Variants in SOS1 observed in about 807,000 individuals in gnomAD.
SOS1 encodes the protein son of sevenless homolog 1.
SOS1 carries 25 observed loss-of-function variants against 157.6 expected under a neutral mutation model. That is an observed-to-expected ratio of 0.16 (90% confidence interval 0.12 to 0.22). The LOEUF (loss-of-function observed/expected upper bound fraction) is 0.22, where lower values mean the gene tolerates loss of function less well. SOS1 is among the 10% of genes least tolerant of loss of function. The pLI, the probability that SOS1 is intolerant of heterozygous loss-of-function variation, is 1.00. For missense variants in SOS1, 1,237 were observed against 1,599.1 expected, an observed-to-expected ratio of 0.77 and a Z score of 3.86; for synonymous variants, 528 against 534.0, an observed-to-expected ratio of 0.99 and a Z score of 0.16.
At chr2:39,014,723 A>G (rs1397996525) in intron 11 of SOS1, 42 bp downstream of exon 11, 1 of 1,106,330 alleles carries the variant, frequency 9.0e-7, no homozygotes, top group South Asian at 1.4e-5. Flanking sequence ...TCTCTTTTTT[A>G]ACAAAAAATA....
intron 20 of SOS1, chr2:38,992,376 T>C (rs1668761517): frequency 6.6e-6 from 1 of 152,198 alleles, no homozygotes; most frequent in Non-Finnish European, 1.5e-5. Context: ...TTCTTTATCA[T>C]AAACAAAGAG....
chr2:39,094,603 AG>A lies in SOS1; in HGVS notation c.87+25732del, dbSNP rs569306187. Among the ~76,000 whole-genome samples the A allele has an allele frequency of 5.7e-3, 864 of 152,250 alleles. 5 individuals carry two copies. The highest frequency in any genetic ancestry group is 0.01 in the Non-Finnish European group (684 of 68,020). On this transcript the variant is annotated intron_variant, in intron 1 of 22. Transcript: ENST00000402219. ...GGGAGGCGCAGGCTGCAGTGAGCCG[AG>A]ACTGTACCACTGCACTCCAGCCTGG...
At chr2:39,085,140 G>C (rs1672328464) in intron 1 of SOS1, among the ~76,000 whole-genome samples, 1 of 151,986 alleles carries the variant, frequency 6.6e-6, no homozygotes, top group Admixed American at 6.6e-5. Context: ...TGACCTCCTG[G>C]GCCCAAGTGA....
intron 2 of SOS1, among the ~76,000 whole-genome samples, chr2:39,067,038 T>A (rs1167920650): frequency 1.3e-5 from 2 of 152,182 alleles, no homozygotes; most frequent in Non-Finnish European, 2.9e-5. Flanking sequence ...CTGAAACTTT[T>A]AGCATTTTTT....
intron 6 of SOS1, 32 bp from the exon 7 acceptor site, chr2:39,035,532 A>T: frequency 1.4e-6 from 2 of 1,419,530 alleles, no homozygotes. Flanking sequence ...AACATAAATA[A>T]TTTACCATTA....
intron 1 of SOS1, among the ~76,000 whole-genome samples, chr2:39,115,821 AT>A (rs1441080887): frequency 6.6e-6 from 1 of 152,064 alleles, no homozygotes; most frequent in African/African-American, 2.4e-5. Context: ...CGAACATTGG[AT>A]TTTTTCCAGT....
At chr2:39,045,247 A>AGGGAGAGGGAGG (rs150513425) in intron 6 of SOS1, among the ~76,000 whole-genome samples, 21 of 129,392 alleles carry the variant, frequency 1.6e-4, no homozygotes, top group East Asian at 1.1e-3. Context: ...AGAGAGGGAG[A>AGGGAGAGGGAGG]GAGAGAGAGA....
chr2:39,089,471 G>T (rs944479218), intron 1 of SOS1, among the ~76,000 whole-genome samples: 1 of 146,758 alleles, frequency 6.8e-6, no homozygotes, highest in African/African-American at 2.5e-5. Context: ...GGTGGAGGTT[G>T]CAGTGAGCCA....
rs2124479605 is a variant in SOS1, at chr2:38,997,343, A to C, written c.2874T>G (p.Phe958Leu). The C allele has an allele frequency of 6.2e-7, 1 of 1,612,996 alleles. No homozygotes were observed. Residue 958 changes from phenylalanine (F) to leucine (L), a missense_variant, in exon 18 of 23, where the codon TTT becomes TTG. Physicochemically the swap from Phe to Leu is conservative, Grantham distance 22 (BLOSUM62 0). Around this residue, in one of 15 missense-constraint regions of SOS1, gnomAD observed 105 missense variants for 236.0 expected, o/e 0.44. Transcript: ENST00000402219. ...LKRHGKELIN[F>L]SKRRKVAEIT... Reference sequence around the variant, plus strand: ...TTTCTGCTACTTTCCTCCTTTTGCTAAAGTTTATAAGCTCTTTTCCATGTC... The same window carrying C: ...TTTCTGCTACTTTCCTCCTTTTGCTCAAGTTTATAAGCTCTTTTCCATGTC...
chr2:39,120,290 C>T, intron 1 of SOS1, 46 bp downstream of exon 1: 1 of 1,518,608 alleles, frequency 6.6e-7, no homozygotes, highest in Non-Finnish European at 8.8e-7. Flanking sequence ...CCAGCGCCCG[C>T]GCTGGGGGGC....
At chr2:39,075,424 T>A (rs1351948982) in intron 1 of SOS1, among the ~76,000 whole-genome samples, 1 of 152,168 alleles carries the variant, frequency 6.6e-6, no homozygotes, top group Non-Finnish European at 1.5e-5. Context: ...TCTTTTTTTA[T>A]CAAGTGGCTC....
intron 15 of SOS1, among the ~76,000 whole-genome samples, chr2:39,008,863 C>T (rs556920709): frequency 1.3e-4 from 19 of 145,460 alleles, no homozygotes; most frequent in African/African-American, 4.1e-4. Context: ...GAGCAGTACT[C>T]AGAGTTGCTA....
At chr2:39,112,826 C>T (rs911628358) in intron 1 of SOS1, among the ~76,000 whole-genome samples, 2 of 152,092 alleles carry the variant, frequency 1.3e-5, no homozygotes, top group African/African-American at 4.8e-5. Flanking sequence ...ACTGCCTGAG[C>T]TCAGGAGTTC....
intron 1 of SOS1, among the ~76,000 whole-genome samples, chr2:39,080,013 A>G (rs1672145442): frequency 6.6e-6 from 1 of 152,060 alleles, no homozygotes; most frequent in African/African-American, 2.4e-5. Flanking sequence ...ACTTTTCCAC[A>G]GACTCGGGTG....
chr2:39,065,055 G>A (rs1300293066), intron 2 of SOS1, among the ~76,000 whole-genome samples: 1 of 151,910 alleles, frequency 6.6e-6, no homozygotes, highest in African/African-American at 2.4e-5. Flanking sequence ...ACTATGCCCA[G>A]TCTCTATATA....
chr2:39,099,199 A>G (rs1342460425), intron 1 of SOS1, among the ~76,000 whole-genome samples: 1 of 152,200 alleles, frequency 6.6e-6, no homozygotes, highest in Non-Finnish European at 1.5e-5. Context: ...AAACAACCCA[A>G]ATGTTCATCT....
At chr2:39,073,011 A>C (rs1369857279) in intron 1 of SOS1, among the ~76,000 whole-genome samples, 6 of 152,234 alleles carry the variant, frequency 3.9e-5, no homozygotes, top group Admixed American at 6.5e-5. Flanking sequence ...ATTTCTTTAA[A>C]GAGCAAACAG....
rs1668550187 is a variant in SOS1 at position 38,986,111 on chromosome 2, C to T, written c.3715G>A (p.Gly1239Ser). The T allele has an allele frequency of 6.2e-7, 1 of 1,613,448 alleles. No individual in the cohort carries two copies. The highest frequency in any genetic ancestry group is 8.5e-7 in the Non-Finnish European group (1 of 1,179,780). ...SPLHLQPPPLGKKSDHGNAFF... is the reference protein window; with the variant it reads ...SPLHLQPPPLSKKSDHGNAFF... ...GCATTGCCATGGTCACTTTTTTTGC[C>T]CAAAGGGGGAGGTTGGAGATGTAGT... The change falls in exon 23 of 23, where the codon GGC becomes AGC. Residue 1239 changes from glycine to serine, a missense_variant. Coordinates refer to ENST00000402219, the MANE Select transcript of SOS1 (RefSeq NM_005633.4).
intron 8 of SOS1, among the ~76,000 whole-genome samples, chr2:39,031,782 G>C (rs900731846): frequency 6.6e-6 from 1 of 152,000 alleles, no homozygotes; most frequent in African/African-American, 2.4e-5. Context: ...CCCCAAGAAA[G>C]AAATCTAAAT....
Sources: allele counts gnomAD v4.1 joint callset (sites outside exome capture counted in the v4.1 genomes callset), GRCh38; gene constraint gnomAD v4.1.1; regional missense constraint gnomAD v4.1.1; transcripts MANE v1.5; gene names NCBI Gene and HGNC (gene_info 2026-07-23, HGNC 2026-07-21).